Variants in GLUD1 observed in about 807,000 individuals in gnomAD.
GLUD1 encodes the protein glutamate dehydrogenase 1, also known as glutamate dehydrogenase 1, mitochondrial.
A neutral mutation model predicts 56.0 loss-of-function variants in GLUD1; 22 were observed. The observed-to-expected ratio is 0.39, with a 90% CI of 0.28 to 0.56. The LOEUF (loss-of-function observed/expected upper bound fraction) is 0.56, where lower values mean the gene tolerates loss of function less well. GLUD1 is among the 20% of genes least tolerant of loss of function. The pLI is 0.58. For synonymous variants in GLUD1, 223 were observed against 269.9 expected (o/e 0.83, Z 1.70); for missense variants, 451 against 732.0 (o/e 0.62, Z 4.43).
chr10:87,080,533 G>A (rs11202322), intron 1 of GLUD1, among the ~76,000 whole-genome samples: 6 of 150,350 alleles, frequency 4.0e-5, no homozygotes, highest in Non-Finnish European at 7.4e-5. Flanking sequence ...AGGAAGTGAG[G>A]AGCGTCTCTG....
intron 3 of GLUD1, among the ~76,000 whole-genome samples, chr10:87,075,003 G>T (rs1000341714): frequency 6.6e-6 from 1 of 152,178 alleles, no homozygotes; most frequent in African/African-American, 2.4e-5. Flanking sequence ...CAATCAGTTT[G>T]AATTAACTTG....
chr10:87,069,409 G>A (rs781747894), intron 4 of GLUD1, among the ~76,000 whole-genome samples: 5 of 150,710 alleles, frequency 3.3e-5, no homozygotes, highest in Non-Finnish European at 6.0e-5. Flanking sequence ...CAGCTACTCC[G>A]GAGGCTGAGG....
At chr10:87,071,256 G>T (rs1303907664) in intron 4 of GLUD1, among the ~76,000 whole-genome samples, 3 of 151,892 alleles carry the variant, frequency 2.0e-5, no homozygotes, top group African/African-American at 7.3e-5. Flanking sequence ...ACAATGGCAT[G>T]ATCTCGGCTC....
chr10:87,082,316 A>AT (rs1841281285), intron 1 of GLUD1, among the ~76,000 whole-genome samples: 1 of 152,256 alleles, frequency 6.6e-6, no homozygotes, highest in African/African-American at 2.4e-5. Context: ...CATGAGTCAG[A>AT]AACTGTGTGT....
intron 12 of GLUD1, 56 bp from the exon 13 acceptor site, chr10:87,051,926 T>C: frequency 6.2e-7 from 1 of 1,606,844 alleles, no homozygotes; most frequent in Non-Finnish European, 8.5e-7. Context: ...GGCCAGGCCA[T>C]AAACACACAA....
chr10:87,052,954 GA>G (rs1845677681), intron 12 of GLUD1, among the ~76,000 whole-genome samples: 1 of 152,140 alleles, frequency 6.6e-6, no homozygotes, highest in African/African-American at 2.4e-5. Context: ...AACTGTGGTT[GA>G]GGCCTTAAAG....
chr10:87,056,884 T>C (rs1564762941), intron 11 of GLUD1, among the ~76,000 whole-genome samples: 2 of 152,130 alleles, frequency 1.3e-5, no homozygotes, highest in Admixed American at 6.5e-5. Context: ...GTTAAATTTT[T>C]CCCCCAGGCT....
At chr10:87,085,682 A>G (rs1201314883) in intron 1 of GLUD1, among the ~76,000 whole-genome samples, 3 of 152,198 alleles carry the variant, frequency 2.0e-5, no homozygotes, top group Non-Finnish European at 4.4e-5. Flanking sequence ...TCCACTTATG[A>G]CCCCAGTCTT....
chr10:87,053,343 C>G lies in GLUD1; in HGVS notation c.1556G>C (p.Arg519Thr). The change falls in exon 12 of 13, where the codon AGG becomes ACG. Residue 519 changes from arginine to threonine, a missense_variant and splice_region_variant. Around this residue, in one of 4 missense-constraint regions of GLUD1, gnomAD observed 43 missense variants for 61.6 expected, o/e 0.70. Transcript: ENST00000277865. ...GGCAAACAGCATCTGCACACATACC[C>G]TGGCAGAACGCTCCATTGTGTATGC... is the stretch of plus-strand genomic sequence containing the variant. ...GLAYTMERSA[R>T]QIMRTAMKYN... is the part of the protein sequence containing the mutation. 1 of 1,605,130 alleles carries G rather than the reference C, an allele frequency of 6.2e-7. No individual in the cohort carries two copies. Among genetic ancestry groups the G allele is most frequent in the Non-Finnish European group, 8.5e-7 (1 of 1,171,776 alleles).
Position 87,060,579 on chromosome 10 carries a change from G to A in GLUD1, c.1197+109C>T, listed in dbSNP as rs145412989. 253 of 1,305,940 alleles carry A rather than the reference G, an allele frequency of 1.9e-4. 1 individual carries two copies. In the African/African-American group the frequency reaches 3.3e-3, roughly 17 times the overall value. 80.9% of individuals were successfully genotyped at this position (1,305,940 alleles called of 1,614,324 possible). On this transcript the variant is annotated intron_variant, in intron 8 of 12. Coordinates refer to ENST00000277865, the MANE Select transcript of GLUD1 (RefSeq NM_005271.5). ...GAACTGTATGGTATGTGCAGTATGTGCCAATAAAGCTGCTAAAAAGAAAGA... is the reference window on the plus strand; with the variant it reads ...GAACTGTATGGTATGTGCAGTATGTACCAATAAAGCTGCTAAAAAGAAAGA...
intron 12 of GLUD1, 126 bp from the exon 13 acceptor site, chr10:87,051,996 C>T: frequency 9.1e-7 from 1 of 1,100,990 alleles, no homozygotes; most frequent in South Asian, 1.3e-5. Context: ...ACTTGGGCAG[C>T]CAAAGACAAA....
At position 87,061,164 on chromosome 10, in the gene GLUD1, A is replaced by G. The variant is rs750322124; in HGVS notation, c.922-112T>C. ...TCTGTTTATTTAGAAGCAATTCTCA[A>G]AATTCTTTTGCCAAAAGAAACAATG... On this transcript the variant is annotated intron_variant, in intron 6 of 12. Transcript: ENST00000277865. 3.7e-6 allele frequency: 4 copies of G among 1,077,926 alleles called. No homozygotes were observed. In the African/African-American group the frequency reaches 6.2e-5, roughly 17 times the overall value. The allele number at this position is 1,077,926 out of a possible 1,614,324, so 66.8% of individuals were successfully genotyped here.
intron 11 of GLUD1, among the ~76,000 whole-genome samples, chr10:87,054,724 T>C (rs1010551660): frequency 1.3e-5 from 2 of 152,200 alleles, no homozygotes; most frequent in Admixed American, 1.3e-4. Flanking sequence ...TTAAGATTTA[T>C]ACATTTTTTA....
chr10:87,089,619 C>T (rs1841465744), intron 1 of GLUD1: 1 of 985,328 alleles, frequency 1.0e-6, no homozygotes, highest in Non-Finnish European at 1.2e-6. Flanking sequence ...GCAGAATCTT[C>T]TAGGTGTAGT....
intron 11 of GLUD1, among the ~76,000 whole-genome samples, chr10:87,057,382 C>G (rs1363087970): frequency 1.3e-5 from 2 of 152,180 alleles, no homozygotes; most frequent in Admixed American, 6.5e-5. Flanking sequence ...CAATCTAATG[C>G]TTGCTTTTCA....
chr10:87,052,669 CAAAAAAAAAAAA>C (rs751155208), intron 12 of GLUD1, among the ~76,000 whole-genome samples: 1 of 41,724 alleles, frequency 2.4e-5, no homozygotes, highest in South Asian at 1.9e-3. Context: ...AACTCCGTCT[CAAAAAAAAAAAA>C]AAAAAAAAAA....
intron 1 of GLUD1, among the ~76,000 whole-genome samples, chr10:87,085,734 C>G (rs1333766401): frequency 6.6e-6 from 1 of 152,284 alleles, no homozygotes; most frequent in East Asian, 1.9e-4. Flanking sequence ...AGTGTATATC[C>G]TTCCAAATCA....
chr10:87,093,389 A>G lies in GLUD1; in HGVS notation c.445+936T>C, dbSNP rs138541054. ...CATTTTATGTTACTAAAGAGGTATG[A>G]TGCAATGTATTGGGGGGAAAAAAGC... is the stretch of plus-strand genomic sequence containing the variant. On this transcript the variant is annotated intron_variant, in intron 1 of 12. Transcript: ENST00000277865. Among the ~76,000 whole-genome samples the G allele has an allele frequency of 9.8e-4, 149 of 152,226 alleles. 1 individual carries two copies. Among genetic ancestry groups the G allele is most frequent in the African/African-American group, 3.5e-3 (145 of 41,450 alleles).
At chr10:87,072,354 G>A (rs1227891402) in intron 4 of GLUD1, among the ~76,000 whole-genome samples, 4 of 151,824 alleles carry the variant, frequency 2.6e-5, no homozygotes, top group Non-Finnish European at 4.4e-5. Flanking sequence ...TTTTTCTTTT[G>A]TTTTGCAGAA....
Sources: allele counts gnomAD v4.1 joint callset (sites outside exome capture counted in the v4.1 genomes callset), GRCh38; gene constraint gnomAD v4.1.1; regional missense constraint gnomAD v4.1.1; transcripts MANE v1.5; gene names NCBI Gene and HGNC (gene_info 2026-07-23, HGNC 2026-07-21).